Variants in ROBO2 observed in about 807,000 individuals in gnomAD.
The protein encoded by ROBO2 is roundabout homolog 2.
ROBO2 carries 53 observed loss-of-function variants against 160.8 expected under a neutral mutation model. The observed-to-expected ratio is 0.33, with a 90% confidence interval of 0.26 to 0.41. The LOEUF is 0.41. ROBO2 is among the 10% of genes least tolerant of loss of function. ROBO2 has a pLI of 1.00. For synonymous variants in ROBO2, 664 were observed against 611.7 expected, an observed-to-expected ratio of 1.09 and a Z score of -1.26; for missense variants, 1,577 against 1,722.4, an observed-to-expected ratio of 0.92 and a Z score of 1.49.
chr3:77,216,499 G>T (rs914830728), intron 2 of ROBO2, among the ~76,000 whole-genome samples: 1 of 152,180 alleles, frequency 6.6e-6, no homozygotes, highest in African/African-American at 2.4e-5. Flanking sequence ...CTAGGAAAGG[G>T]AACTCCCTGA....
chr3:77,592,712 C>T (rs369461238), intron 17 of ROBO2, among the ~76,000 whole-genome samples: 16 of 152,116 alleles, frequency 1.1e-4, no homozygotes, highest in African/African-American at 2.4e-4. Context: ...CCACTGCGCC[C>T]GGCTAATTTT....
chr3:76,646,282 C>T (rs13321621), intron 2 of ROBO2, among the ~76,000 whole-genome samples: 2,611 of 152,046 alleles, frequency 0.017, 68 homozygotes, highest in African/African-American at 0.058. Context: ...GGAAGAGTGA[C>T]GGGAAAGAAA....
chr3:76,164,205 C>T (rs142631044), intron 2 of ROBO2, among the ~76,000 whole-genome samples: 7 of 152,284 alleles, frequency 4.6e-5, no homozygotes, highest in Middle Eastern at 3.4e-3. Context: ...GCAATTCAGT[C>T]ACATCTTCAG....
At chr3:76,391,822 T>G (rs2077168377) in intron 2 of ROBO2, among the ~76,000 whole-genome samples, 1 of 152,196 alleles carries the variant, frequency 6.6e-6, no homozygotes, top group Admixed American at 6.5e-5. Flanking sequence ...GTTGTTACTT[T>G]CTATTTTAAG....
intron 15 of ROBO2, among the ~76,000 whole-genome samples, chr3:77,578,528 T>G (rs2093827750): frequency 2.0e-5 from 3 of 152,120 alleles, no homozygotes; most frequent in Admixed American, 1.3e-4. Context: ...GTTTGCAGAT[T>G]AAATTTTATT....
At chr3:76,685,715 A>T (rs1026164) in intron 2 of ROBO2, among the ~76,000 whole-genome samples, 81,644 of 152,006 alleles carry the variant, frequency 0.54, 22,719 homozygotes, top group East Asian at 0.77. Context: ...TATCTTCAAA[A>T]TAGAAGGTTC....
intron 2 of ROBO2, among the ~76,000 whole-genome samples, chr3:76,257,379 T>C (rs942400492): frequency 6.6e-6 from 1 of 152,160 alleles, no homozygotes; most frequent in African/African-American, 2.4e-5. Flanking sequence ...AGGTTTATTT[T>C]CTATAATATC....
Position 76,235,003 on chromosome 3 carries a change from C to T in ROBO2, c.109+297401C>T, listed in dbSNP as rs946939381. Among the ~76,000 whole-genome samples, 15 of 152,212 alleles carry T rather than the reference C, an allele frequency of 9.9e-5. No homozygotes were observed. The South Asian group carries it at 3.1e-3, about 32-fold the overall frequency. On this transcript the variant is annotated intron_variant, in intron 2 of 26. Transcript: ENST00000487694. ...GAGCTGTTGCTGGAGTGGTTTAAAA[C>T]TCCCAAGGATGTTAAGATGTCGTGA...
chr3:76,540,293 G>T (rs1443006855), intron 2 of ROBO2, among the ~76,000 whole-genome samples: 1 of 152,178 alleles, frequency 6.6e-6, no homozygotes, highest in Non-Finnish European at 1.5e-5. Flanking sequence ...CTTCTTAAAT[G>T]TGTGGGAAAT....
intron 2 of ROBO2, among the ~76,000 whole-genome samples, chr3:77,340,493 T>C (rs2066946968): frequency 6.6e-6 from 1 of 152,136 alleles, no homozygotes. Flanking sequence ...AAATAAATAT[T>C]CATTGCCAGT....
At chr3:77,474,425 T>G (rs1318057338) in intron 2 of ROBO2, among the ~76,000 whole-genome samples, 1 of 152,140 alleles carries the variant, frequency 6.6e-6, no homozygotes, top group African/African-American at 2.4e-5. Flanking sequence ...CCCCTACAAC[T>G]TGGTAGAAAT....
intron 2 of ROBO2, among the ~76,000 whole-genome samples, chr3:76,497,685 G>C (rs1202770553): frequency 1.3e-5 from 2 of 152,328 alleles, no homozygotes; most frequent in East Asian, 3.9e-4. Context: ...AGTAGATTTT[G>C]AGTGAAGCCG....
At chr3:77,405,776 G>T (rs2076204867) in intron 2 of ROBO2, among the ~76,000 whole-genome samples, 1 of 152,102 alleles carries the variant, frequency 6.6e-6, no homozygotes, top group Non-Finnish European at 1.5e-5. Flanking sequence ...TGGAATGCAA[G>T]AAATATAATT....
At chr3:77,187,015 A>C (rs1489347748) in intron 2 of ROBO2, among the ~76,000 whole-genome samples, 1 of 151,992 alleles carries the variant, frequency 6.6e-6, no homozygotes, top group Non-Finnish European at 1.5e-5. Flanking sequence ...CACAAATGTA[A>C]TCGCAGCTAT....
intron 2 of ROBO2, among the ~76,000 whole-genome samples, chr3:75,990,033 A>G (rs1419390556): frequency 6.6e-6 from 1 of 152,214 alleles, no homozygotes; most frequent in Admixed American, 6.5e-5. Context: ...TCTAAACTGT[A>G]ACTTTTCTAA....
chr3:77,219,271 G>A (rs1213934386), intron 2 of ROBO2, among the ~76,000 whole-genome samples: 2 of 151,640 alleles, frequency 1.3e-5, no homozygotes, highest in African/African-American at 4.8e-5. Flanking sequence ...ACCGCACTGG[G>A]CCTCGACTTC....
chr3:77,032,965 A>G (rs1484012569), intron 2 of ROBO2, among the ~76,000 whole-genome samples: 1 of 152,166 alleles, frequency 6.6e-6, no homozygotes, highest in East Asian at 1.9e-4. Flanking sequence ...TTGGGTAACA[A>G]TCAGCATTTT....
chr3:76,106,787 A>G (rs1002884525), intron 2 of ROBO2, among the ~76,000 whole-genome samples: 10 of 152,118 alleles, frequency 6.6e-5, no homozygotes, highest in African/African-American at 2.2e-4. Flanking sequence ...TGATTTATTT[A>G]TAATGGAAGG....
At chr3:76,097,386 G>A (rs1303816875) in intron 2 of ROBO2, among the ~76,000 whole-genome samples, 1 of 152,118 alleles carries the variant, frequency 6.6e-6, no homozygotes, top group East Asian at 1.9e-4. Context: ...CTGCTGAGAA[G>A]AGCTATTGAT....
Sources: gnomAD v4.1 joint callset for allele counts (sites outside exome capture counted in the v4.1 genomes callset) on GRCh38, gnomAD v4.1.1 for gene constraint, MANE v1.5 for transcripts, NCBI Gene and HGNC (gene_info 2026-07-23, HGNC 2026-07-21) for gene names.